Variants in C12orf56 observed in about 807,000 individuals in gnomAD.
C12orf56 encodes the protein uncharacterized protein C12orf56.
Under a neutral mutation model 69.9 loss-of-function variants are expected in C12orf56, and 71 were observed. The ratio of observed to expected loss-of-function variants is 1.02; its 90% confidence interval spans 0.84 to 1.24. The LOEUF (loss-of-function observed/expected upper bound fraction) is 1.24. C12orf56 is among the 50% of genes most tolerant of loss of function. The pLI is 0.00. For synonymous variants in C12orf56, 276 were observed against 274.1 expected (o/e 1.01, Z -0.07); for missense variants, 732 against 738.5 (o/e 0.99, Z 0.10).
chr12:64,266,693 TGA>T lies in C12orf56; in HGVS notation c.*488_*489del. The T allele has an allele frequency of 1.5e-6, 1 of 645,834 alleles. No individual in the cohort carries two copies. The highest frequency in any genetic ancestry group is 2.3e-6 in the Non-Finnish European group (1 of 438,466). 40.0% of individuals were successfully genotyped at this position (645,834 alleles called of 1,614,324 possible). ...TTCACCGAGAACACTGTGCCCAAGC[TGA>T]GAAGATAAAACACCTTGAGAAGAAC... On this transcript the variant is annotated 3_prime_UTR_variant, in exon 13 of 13. Transcript: ENST00000543942.
rs562089147 is a variant in C12orf56 at position 64,390,357 on chromosome 12, A to C, written c.209T>G (p.Ile70Ser). 1 of 1,612,546 alleles carries C rather than the reference A, an allele frequency of 6.2e-7. No homozygotes were observed. The highest frequency in any genetic ancestry group is 1.7e-5 in the Admixed American group (1 of 59,992). Residue 70 changes from isoleucine (I) to serine (S), a missense_variant, in exon 1 of 13, where the codon ATC becomes AGC. Transcript: ENST00000543942. ...VYLTENPPKSIRRVVALRDVV... is the reference protein window; with the variant it reads ...VYLTENPPKSSRRVVALRDVV... ...GTCCCGCAGAGCCACTACCCGCCGG[A>C]TGGACTTGGGCGGGTTCTCGGTTAG... is the stretch of plus-strand genomic sequence containing the variant.
intron 2 of C12orf56, among the ~76,000 whole-genome samples, chr12:64,352,099 GTTTT>G (rs55762803): frequency 3.4e-5 from 5 of 148,774 alleles, no homozygotes; most frequent in African/African-American, 1.0e-4. Flanking sequence ...TTTTGTTTTT[GTTTT>G]TTTTTTTTTT....
chr12:64,325,363 A>AG (rs1312530624), intron 3 of C12orf56, among the ~76,000 whole-genome samples: 1 of 39,600 alleles, frequency 2.5e-5, no homozygotes, highest in Non-Finnish European at 4.6e-5. Flanking sequence ...ACCCTGTCTA[A>AG]AAAAAAAAAA....
intron 8 of C12orf56, among the ~76,000 whole-genome samples, chr12:64,279,289 C>T (rs1390258324): frequency 1.3e-5 from 2 of 152,066 alleles, no homozygotes; most frequent in Non-Finnish European, 1.5e-5. Context: ...TGTGGGGTAC[C>T]GTCCATTGAT....
intron 5 of C12orf56, among the ~76,000 whole-genome samples, chr12:64,311,720 A>G (rs1244238355): frequency 6.6e-6 from 1 of 152,208 alleles, no homozygotes; most frequent in African/African-American, 2.4e-5. Flanking sequence ...AGGAAAGAAA[A>G]ATAAAAAGAG....
Position 64,318,993 on chromosome 12 carries a change from A to G in C12orf56, c.489-13T>C. The G allele has an allele frequency of 6.9e-7, 1 of 1,454,654 alleles. No homozygotes were observed. Among genetic ancestry groups the G allele is most frequent in the Non-Finnish European group, 9.0e-7 (1 of 1,108,396 alleles). The allele number at this position is 1,454,654 out of a possible 1,614,324, so 90.1% of individuals were successfully genotyped here. The stretch of plus-strand genomic sequence containing the variant: ...CTCCTGCTGGTCCCTGTCAGGTAGA[A>G]TTTAGTATTAAACATGACATGCAAA... On this transcript the variant is annotated splice_polypyrimidine_tract_variant and intron_variant, in intron 3 of 12. Coordinates refer to ENST00000543942, the MANE Select transcript of C12orf56 (RefSeq NM_001170633.2).
intron 6 of C12orf56, among the ~76,000 whole-genome samples, chr12:64,301,538 T>C (rs2038446115): frequency 6.6e-6 from 1 of 152,204 alleles, no homozygotes. Context: ...AAGAAGGTTT[T>C]CAGGACCTTC....
chr12:64,306,516 G>A (rs900393668), intron 5 of C12orf56, among the ~76,000 whole-genome samples: 65 of 151,048 alleles, frequency 4.3e-4, no homozygotes, highest in African/African-American at 1.5e-3. Flanking sequence ...CTACAAGTGC[G>A]TACCACCACA....
chr12:64,322,104 C>G (rs1192146554), intron 3 of C12orf56, among the ~76,000 whole-genome samples: 1 of 151,672 alleles, frequency 6.6e-6, no homozygotes, highest in African/African-American at 2.4e-5. Flanking sequence ...CTAGGCCTCC[C>G]AAAGTGCTAG....
At chr12:64,382,551 C>T (rs2039733450) in intron 1 of C12orf56, among the ~76,000 whole-genome samples, 1 of 152,004 alleles carries the variant, frequency 6.6e-6, no homozygotes, top group Non-Finnish European at 1.5e-5. Flanking sequence ...TTTAAGCCAA[C>T]AACTCTATAA....
intron 6 of C12orf56, among the ~76,000 whole-genome samples, chr12:64,301,459 A>T (rs1251541687): frequency 1.3e-5 from 2 of 152,188 alleles, no homozygotes; most frequent in Non-Finnish European, 2.9e-5. Context: ...ATTTAGCAGG[A>T]GGCAAGATAA....
chr12:64,267,378 G>A, intron 12 of C12orf56, 90 bp from the exon 13 acceptor site: 1 of 985,596 alleles, frequency 1.0e-6, no homozygotes, highest in Non-Finnish European at 1.5e-6. Flanking sequence ...TCACTGGCTA[G>A]GGTTGTTGGG....
chr12:64,385,349 T>C (rs1013916069), intron 1 of C12orf56, among the ~76,000 whole-genome samples: 5 of 151,436 alleles, frequency 3.3e-5, no homozygotes, highest in African/African-American at 1.2e-4. Flanking sequence ...CTAAATTTTG[T>C]TGCTGTTACC....
Position 64,337,818 on chromosome 12 carries a change from C to A in C12orf56, c.416-6786G>T, listed in dbSNP as rs1432700093. Among the ~76,000 whole-genome samples the A allele has an allele frequency of 2.1e-5, 3 of 145,250 alleles. No homozygotes were observed. The East Asian group carries it at 6.2e-4, about 30-fold the overall frequency. On this transcript the variant is annotated intron_variant, in intron 2 of 12. Coordinates refer to ENST00000543942, the MANE Select transcript of C12orf56 (RefSeq NM_001170633.2). ...GTTGCAGTGAGCTGAGATCACACCACTGCACTCCAGCCTGGGTAACAGAGC... is the reference window on the plus strand; with the variant it reads ...GTTGCAGTGAGCTGAGATCACACCAATGCACTCCAGCCTGGGTAACAGAGC...
intron 3 of C12orf56, among the ~76,000 whole-genome samples, chr12:64,328,808 G>T (rs2038888590): frequency 6.8e-6 from 1 of 147,566 alleles, no homozygotes. Flanking sequence ...GCTCACGACT[G>T]TAATCCCAAC....
At chr12:64,270,212 A>G (rs1181097139) in intron 12 of C12orf56, among the ~76,000 whole-genome samples, 1 of 151,938 alleles carries the variant, frequency 6.6e-6, no homozygotes. Flanking sequence ...CCTGACCAAC[A>G]TGGTGAAACC....
intron 2 of C12orf56, among the ~76,000 whole-genome samples, chr12:64,337,235 C>G (rs1232520933): frequency 6.6e-6 from 1 of 151,968 alleles, no homozygotes; most frequent in Non-Finnish European, 1.5e-5. Context: ...TCTCTTTCAC[C>G]CAAAGCCAAT....
At chr12:64,315,679 C>A (rs1214199170) in intron 4 of C12orf56, among the ~76,000 whole-genome samples, 4 of 152,212 alleles carry the variant, frequency 2.6e-5, no homozygotes, top group Admixed American at 2.6e-4. Flanking sequence ...CCCCTGTAAT[C>A]CTAGCACTTT....
At chr12:64,338,638 C>T in intron 2 of C12orf56, 3 of 1,593,012 alleles carry the variant, frequency 1.9e-6, no homozygotes, top group Non-Finnish European at 2.6e-6. Context: ...ATTCCATAAT[C>T]TTTAGTCTTT....
Sources: gnomAD v4.1 joint callset for allele counts (sites outside exome capture counted in the v4.1 genomes callset) on GRCh38, gnomAD v4.1.1 for gene constraint, MANE v1.5 for transcripts, NCBI Gene and HGNC (gene_info 2026-07-23, HGNC 2026-07-21) for gene names.